AGT: variants seen among roughly 807,000 people sequenced by gnomAD.
AGT encodes the protein angiotensinogen.
In AGT, 26 loss-of-function variants were observed where a neutral mutation model predicts 28.1. That is an observed-to-expected ratio of 0.92 (90% CI 0.68 to 1.28). The LOEUF (loss-of-function observed/expected upper bound fraction) is 1.28, where lower values mean the gene tolerates loss of function less well. Ranked by LOEUF, AGT falls within the 50% of genes most tolerant of loss-of-function variation. The probability of loss-of-function intolerance (pLI) is 0.00; values close to 1 mark genes in which losing one functional copy is unlikely to be tolerated. For missense variants in AGT, 596 were observed against 592.3 expected, an observed-to-expected ratio of 1.01 and a Z score of -0.06; for synonymous variants, 259 against 259.6, an observed-to-expected ratio of 1.00 and a Z score of 0.02.
At chr1:230,719,404 A>ATTAT (rs1553314958), upstream of AGT, among the ~76,000 whole-genome samples, 7 of 99,626 alleles carry the variant, frequency 7.0e-5, no homozygotes, top group African/African-American at 1.8e-4. Flanking sequence ...TATTATCATT[A>ATTAT]TGTTTTTTTT....
chr1:230,713,178 G>A (rs976858519), intron 1 of AGT, among the ~76,000 whole-genome samples: 18 of 152,094 alleles, frequency 1.2e-4, no homozygotes, highest in Admixed American at 9.8e-4. Flanking sequence ...TCTGTCCAGC[G>A]TCTTTGTCTG....
intron 1 of AGT, among the ~76,000 whole-genome samples, chr1:230,743,919 C>T (rs995088550): frequency 1.3e-5 from 2 of 152,206 alleles, no homozygotes; most frequent in Admixed American, 6.5e-5. Flanking sequence ...AAGAACAGCA[C>T]AGAAAAGAGA....
upstream of AGT, among the ~76,000 whole-genome samples, chr1:230,717,909 CAAAT>C (rs931059961): frequency 1.3e-5 from 2 of 152,076 alleles, no homozygotes; most frequent in African/African-American, 4.8e-5. Flanking sequence ...AGACTCCTGA[CAAAT>C]AAAACAAAAT....
chr1:230,710,902 T>TAAGTGC, intron 1 of AGT, 49 bp from the exon 2 acceptor site: 1 of 1,593,116 alleles, frequency 6.3e-7, no homozygotes, highest in South Asian at 1.1e-5. Context: ...AACTGACCTT[T>TAAGTGC]AAGTGCCATC....
At chr1:230,712,615 A>G (rs567651130) in intron 1 of AGT, among the ~76,000 whole-genome samples, 1 of 152,324 alleles carries the variant, frequency 6.6e-6, no homozygotes, top group South Asian at 2.1e-4. Context: ...CCTGCCTGAC[A>G]AGCGCCAACT....
At chr1:230,715,354 C>T (rs61756114), upstream of AGT, among the ~76,000 whole-genome samples, 79 of 152,204 alleles carry the variant, frequency 5.2e-4, no homozygotes, top group African/African-American at 1.6e-3. Context: ...GGCCCCACAG[C>T]GACTTAGAGG....
upstream of AGT, among the ~76,000 whole-genome samples, chr1:230,716,057 A>C (rs1250418155): frequency 6.6e-6 from 1 of 152,220 alleles, no homozygotes; most frequent in East Asian, 1.9e-4. Flanking sequence ...TAAGAAAATA[A>C]TTTTGGTTAG....
chr1:230,703,300 T>C lies in AGT; in HGVS notation c.1272A>G (p.Glu424=), dbSNP rs374998292. ...ACTCTGTGGGCTCTCTCTCATCCGC[T>C]TCAAGCTCAAAAAAAATGCTGTTCA... The part of the protein sequence containing the change: ...EVLNSIFFEL[E]ADEREPTEST... Residue 424 remains glutamate, a synonymous_variant, in exon 5 of 5, where the codon GAA becomes GAG. Coordinates refer to ENST00000366667, the MANE Select transcript of AGT (RefSeq NM_001384479.1). 1.9e-6 allele frequency: 3 copies of C among 1,614,024 alleles called. No homozygotes were observed. Among genetic ancestry groups the C allele is most frequent in the Non-Finnish European group, 2.5e-6 (3 of 1,180,030 alleles).
chr1:230,725,293 G>C (rs562681735), intron 1 of AGT, among the ~76,000 whole-genome samples: 1 of 152,220 alleles, frequency 6.6e-6, no homozygotes, highest in South Asian at 2.1e-4. Context: ...TTTTGACGGG[G>C]GATGCATCCC....
chr1:230,738,701 A>C (rs373356568), intron 1 of AGT, among the ~76,000 whole-genome samples: 10 of 152,352 alleles, frequency 6.6e-5, no homozygotes, highest in African/African-American at 2.4e-4. Context: ...GGTGCATTAA[A>C]AAGAGAAAAT....
At chr1:230,708,201 T>C (rs926107015) in intron 2 of AGT, among the ~76,000 whole-genome samples, 14 of 152,136 alleles carry the variant, frequency 9.2e-5, no homozygotes, top group African/African-American at 3.4e-4. Flanking sequence ...TGGGCTTCCT[T>C]TGAGTCCCGA....
chr1:230,722,813 C>T (rs1004049062), intron 1 of AGT, among the ~76,000 whole-genome samples: 3 of 152,158 alleles, frequency 2.0e-5, no homozygotes, highest in Non-Finnish European at 4.4e-5. Flanking sequence ...AAGGGTCTTG[C>T]CTTGTCTCAG....
rs763063706 is a variant in AGT, at chr1:230,710,760, C to T, written c.64G>A (p.Ala22Thr). 1.2e-5 allele frequency: 19 copies of T among 1,614,098 alleles called. No individual in the cohort carries two copies. The highest frequency in any genetic ancestry group is 1.7e-5 in the Admixed American group (1 of 60,024). The change falls in exon 2 of 5, where the codon GCT becomes ACT. Residue 22 changes from alanine (A) to threonine (T), a missense_variant. Transcript: ENST00000366667. Reference protein sequence around the residue: ...ILCLLAWAGLAAGDRVYIHPF... With the variant: ...ILCLLAWAGLTAGDRVYIHPF... ...TGTATGTACACCCGGTCACCTGCAG[C>T]CAGGCCAGCCCAGGCCAGGAGGCAG...
At chr1:230,734,051 G>GTTCC (rs1246791158) in intron 1 of AGT, among the ~76,000 whole-genome samples, 19 of 151,998 alleles carry the variant, frequency 1.3e-4, no homozygotes, top group Admixed American at 5.2e-4. Flanking sequence ...TTTTATAGAT[G>GTTCC]ACCCTTTAAC....
intron 1 of AGT, among the ~76,000 whole-genome samples, chr1:230,724,036 C>A (rs891844437): frequency 2.0e-5 from 3 of 152,226 alleles, no homozygotes; most frequent in Non-Finnish European, 4.4e-5. Flanking sequence ...CAAGGATTGG[C>A]AAACTACAGC....
chr1:230,735,007 C>A (rs964577832), intron 1 of AGT, among the ~76,000 whole-genome samples: 1 of 152,138 alleles, frequency 6.6e-6, no homozygotes, highest in African/African-American at 2.4e-5. Context: ...AGCCATCGCG[C>A]CCGGCCATAA....
upstream of AGT, among the ~76,000 whole-genome samples, chr1:230,718,746 G>T (rs1439459708): frequency 2.9e-5 from 3 of 104,898 alleles, no homozygotes; most frequent in Middle Eastern, 4.6e-3. Context: ...TTTTTTGTGA[G>T]ACAGGGTCTC....
At chr1:230,745,248 G>A (rs375332915) in intron 1 of AGT, among the ~76,000 whole-genome samples, 30 of 152,266 alleles carry the variant, frequency 2.0e-4, no homozygotes, top group African/African-American at 6.5e-4. Flanking sequence ...GGTGCAGAGA[G>A]GATAGGGGAA....
chr1:230,742,085 G>A (rs1056895933), intron 1 of AGT, among the ~76,000 whole-genome samples: 2 of 151,830 alleles, frequency 1.3e-5, no homozygotes, highest in African/African-American at 2.4e-5. Flanking sequence ...ATTCAACCAG[G>A]TAAATCTATA....
Sources: allele counts gnomAD v4.1 joint callset (sites outside exome capture counted in the v4.1 genomes callset), GRCh38; gene constraint gnomAD v4.1.1; transcripts MANE v1.5; gene names NCBI Gene and HGNC (gene_info 2026-07-23, HGNC 2026-07-21).